Variants in ATXN7 observed in about 807,000 individuals in gnomAD.
ATXN7 encodes ataxin-7.
Under a neutral mutation model 70.5 loss-of-function variants are expected in ATXN7, and 12 were observed. That is an observed-to-expected ratio of 0.17 (90% CI 0.11 to 0.28). The LOEUF is 0.28. ATXN7 is among the 10% of genes least tolerant of loss of function. ATXN7 has a pLI of 1.00. For synonymous variants in ATXN7, 498 were observed against 448.7 expected (o/e 1.11, Z -1.39); for missense variants, 1,256 against 1,131.7 (o/e 1.11, Z -1.58).
intron 5 of ATXN7, among the ~76,000 whole-genome samples, chr3:63,970,985 A>C (rs150044780): frequency 1.3e-5 from 2 of 152,316 alleles, no homozygotes; most frequent in East Asian, 3.9e-4. Context: ...AGTGCTATAA[A>C]TGACTCTCTT....
chr3:63,976,241 A>G (rs2075385778), intron 5 of ATXN7, among the ~76,000 whole-genome samples: 1 of 152,224 alleles, frequency 6.6e-6, no homozygotes, highest in Non-Finnish European at 1.5e-5. Flanking sequence ...TGAAAGGATA[A>G]GGGGAGTCCA....
Position 63,864,097 on chromosome 3 carries a change from C to A in ATXN7, c.-172C>A, listed in dbSNP as rs909839741. Among the ~76,000 whole-genome samples the A allele has an allele frequency of 2.7e-5, 4 of 146,610 alleles. No individual in the cohort carries two copies. Among genetic ancestry groups the A allele is most frequent in the African/African-American group, 4.9e-5 (2 of 40,724 alleles). ...CTGCAGCCCGGGCTCCCGCCGCCCC[C>A]CTTGCAGCCCCCGCCCGGCCCACGC... On this transcript the variant is annotated 5_prime_UTR_variant, in exon 1 of 13. Transcript: ENST00000674280.
chr3:63,956,536 G>A (rs1186319731), intron 5 of ATXN7, among the ~76,000 whole-genome samples: 5 of 151,900 alleles, frequency 3.3e-5, no homozygotes, highest in Non-Finnish European at 1.5e-5. Flanking sequence ...GAATCAAAGA[G>A]GAGCTTTCTA....
chr3:63,921,193 A>G (rs1316645975), intron 4 of ATXN7, among the ~76,000 whole-genome samples: 7 of 152,196 alleles, frequency 4.6e-5, no homozygotes, highest in African/African-American at 1.7e-4. Flanking sequence ...TTTCTCTTAT[A>G]TGTAAGCATA....
In ATXN7 at chr3:63,887,832, C is replaced by T. The variant is rs1015991120; in HGVS notation, c.-110-10567C>T. Among the ~76,000 whole-genome samples, 6 of 150,630 alleles carry T rather than the reference C, an allele frequency of 4.0e-5. No homozygotes were observed. The East Asian group carries it at 7.7e-4, about 19-fold the overall frequency. On this transcript the variant is annotated intron_variant, in intron 1 of 12. Transcript: ENST00000674280. ...AAACGATCCACCTGCCTCAGCTTCC[C>T]GAAGTGCTGGGATTACAGATGTGTA...
At position 63,991,201 on chromosome 3, in the gene ATXN7, A is replaced by G. The variant is rs190009662; in HGVS notation, c.1682+342A>G. On this transcript the variant is annotated intron_variant, in intron 11 of 12. Transcript: ENST00000674280. The stretch of plus-strand genomic sequence containing the variant: ...AATGGAAACAATAACAATCAGCAAG[A>G]CTTAGTGAGAGCCAACTATACACCA... 3.9e-5 allele frequency among the ~76,000 whole-genome samples: 6 copies of G among 152,292 alleles called. No individual in the cohort carries two copies. In the East Asian group the frequency reaches 9.6e-4, roughly 24 times the overall value.
chr3:63,997,795 A>C (rs920852860), intron 12 of ATXN7: 15 of 1,486,488 alleles, frequency 1.0e-5, no homozygotes, highest in Non-Finnish European at 1.2e-5. Flanking sequence ...GTTTCTTAGT[A>C]TTTTCGTAGT....
chr3:63,995,462 T>G, intron 11 of ATXN7, 43 bp from the exon 12 acceptor site: 1 of 1,604,116 alleles, frequency 6.2e-7, no homozygotes, highest in Non-Finnish European at 8.5e-7. Context: ...TCTCTGTGAA[T>G]GGCTGTGGTC....
intron 8 of ATXN7, 65 bp downstream of exon 8, chr3:63,983,086 A>G: frequency 8.2e-7 from 1 of 1,226,632 alleles, no homozygotes. Flanking sequence ...GATGTACCAC[A>G]CTACTCCCAC....
chr3:63,911,511 C>T (rs1441114497), intron 2 of ATXN7: 1 of 152,198 alleles, frequency 6.6e-6, no homozygotes, highest in African/African-American at 2.4e-5. Context: ...GGACTAACAA[C>T]TCAAGTTAAA....
chr3:63,928,831 AGCATCAG>A (rs1704821118), intron 4 of ATXN7, among the ~76,000 whole-genome samples: 1 of 152,214 alleles, frequency 6.6e-6, no homozygotes, highest in African/African-American at 2.4e-5. Flanking sequence ...AAATGAGTAA[AGCATCAG>A]GCGCACTCCA....
chr3:63,999,133 C>A (rs777804912), intron 12 of ATXN7: 1 of 292,840 alleles, frequency 3.4e-6, no homozygotes, highest in Non-Finnish European at 6.6e-6. Context: ...CACTGGAATA[C>A]CTTCAAGGAC....
intron 11 of ATXN7, among the ~76,000 whole-genome samples, chr3:63,992,436 A>G (rs1422456495): frequency 1.3e-5 from 2 of 152,102 alleles, no homozygotes; most frequent in African/African-American, 2.4e-5. Context: ...TCTCAACTTC[A>G]TATTTCTTCA....
At chr3:63,881,154 T>A (rs1702894935) in intron 1 of ATXN7, among the ~76,000 whole-genome samples, 1 of 152,206 alleles carries the variant, frequency 6.6e-6, no homozygotes, top group Admixed American at 6.5e-5. Context: ...TGAAAAGATT[T>A]GCTTGAGGTC....
intron 4 of ATXN7, among the ~76,000 whole-genome samples, chr3:63,930,732 G>T (rs190989837): frequency 2.6e-5 from 4 of 152,012 alleles, no homozygotes; most frequent in Admixed American, 1.3e-4. Context: ...GGGTTTCTCC[G>T]TGTTAGCCAG....
intron 5 of ATXN7, among the ~76,000 whole-genome samples, chr3:63,954,700 T>G (rs1021276618): frequency 7.5e-5 from 8 of 107,150 alleles, no homozygotes; most frequent in African/African-American, 1.1e-4. Context: ...GGAAAAAGTG[T>G]TTTTTTTTTT....
intron 1 of ATXN7, among the ~76,000 whole-genome samples, chr3:63,873,483 G>T (rs187590312): frequency 1.3e-5 from 2 of 152,276 alleles, no homozygotes; most frequent in African/African-American, 4.8e-5. Flanking sequence ...GTCCCAGCAG[G>T]TGCCTTGGTT....
intron 5 of ATXN7, among the ~76,000 whole-genome samples, chr3:63,962,893 C>T (rs565247352): frequency 1.4e-3 from 217 of 150,396 alleles, no homozygotes; most frequent in Middle Eastern, 3.5e-3. Flanking sequence ...GATGTAATAC[C>T]AGAATTTTGT....
chr3:63,938,859 T>A (rs958211688), intron 4 of ATXN7, among the ~76,000 whole-genome samples: 2 of 152,250 alleles, frequency 1.3e-5, no homozygotes, highest in Non-Finnish European at 2.9e-5. Flanking sequence ...GGGAAAACTT[T>A]AGTTCACTTC....
Sources: gnomAD v4.1 joint callset for allele counts (sites outside exome capture counted in the v4.1 genomes callset) on GRCh38, gnomAD v4.1.1 for gene constraint, MANE v1.5 for transcripts, NCBI Gene and HGNC (gene_info 2026-07-23, HGNC 2026-07-21) for gene names.